The following MCU variants were observed in gnomAD, a reference collection of about 807,000 sequenced individuals.
MCU encodes the protein calcium uniporter protein, mitochondrial.
A neutral mutation model predicts 45.2 loss-of-function variants in MCU; 12 were observed. The ratio of observed to expected loss-of-function variants is 0.27; its 90% CI spans 0.17 to 0.43. The LOEUF (loss-of-function observed/expected upper bound fraction) is 0.43. MCU is among the 20% of genes least tolerant of loss of function. MCU has a pLI of 1.00. For synonymous variants in MCU, 160 were observed against 165.1 expected, an observed-to-expected ratio of 0.97 and a Z score of 0.24; for missense variants, 324 against 436.7, an observed-to-expected ratio of 0.74 and a Z score of 2.30.
chr10:72,800,600 C>T (rs531955423), intron 1 of MCU, among the ~76,000 whole-genome samples: 10 of 152,298 alleles, frequency 6.6e-5, no homozygotes, highest in African/African-American at 2.4e-4. Flanking sequence ...CTGTAGATTA[C>T]AGCCTCTGAA....
intron 1 of MCU, among the ~76,000 whole-genome samples, chr10:72,723,943 A>G (rs1843062264): frequency 6.6e-6 from 1 of 152,212 alleles, no homozygotes; most frequent in African/African-American, 2.4e-5. Flanking sequence ...TCTGTTTCAG[A>G]TGGTATCTTC....
At chr10:72,778,403 G>T (rs1453315900) in intron 1 of MCU, among the ~76,000 whole-genome samples, 1 of 152,150 alleles carries the variant, frequency 6.6e-6, no homozygotes, top group Non-Finnish European at 1.5e-5. Flanking sequence ...AGCCCATAAT[G>T]TTAAGTGAAA....
chr10:72,833,437 TCATA>T lies in MCU; in HGVS notation c.151-919_151-916del, dbSNP rs374957884. Among the ~76,000 whole-genome samples the T allele has an allele frequency of 6.4e-3, 974 of 152,332 alleles. 5 individuals carry two copies. The highest frequency in any genetic ancestry group is 0.01 in the Non-Finnish European group (703 of 68,026). On this transcript the variant is annotated intron_variant, in intron 1 of 7. Transcript: ENST00000373053. ...GAAACGAGATGGAAATTAATGATAG[TCATA>T]CAAAGTCCATCAGCACAAAGAAAAA...
chr10:72,828,542 G>A (rs12783338), intron 1 of MCU, among the ~76,000 whole-genome samples: 69,131 of 151,594 alleles, frequency 0.46, 19,938 homozygotes, highest in Non-Finnish European at 0.67. Flanking sequence ...AACTGGCTGT[G>A]AATATTTGGG....
intron 2 of MCU, among the ~76,000 whole-genome samples, chr10:72,850,250 C>G (rs1446094426): frequency 6.6e-6 from 1 of 152,148 alleles, no homozygotes; most frequent in African/African-American, 2.4e-5. Context: ...ATCTGTCTGG[C>G]CTTCCAACAC....
At chr10:72,827,879 C>T (rs1195902908) in intron 1 of MCU, among the ~76,000 whole-genome samples, 2 of 152,074 alleles carry the variant, frequency 1.3e-5, no homozygotes, top group Non-Finnish European at 2.9e-5. Context: ...CAGTGTTTTC[C>T]CCCACTATCC....
intron 1 of MCU, among the ~76,000 whole-genome samples, chr10:72,819,725 G>GTTT (rs1366248597): frequency 1.1e-5 from 1 of 89,678 alleles, no homozygotes; most frequent in African/African-American, 4.0e-5. Flanking sequence ...CATTTTTCCA[G>GTTT]TCTTTTTTTT....
intron 1 of MCU, among the ~76,000 whole-genome samples, chr10:72,717,967 A>T (rs1005482640): frequency 6.6e-6 from 1 of 152,214 alleles, no homozygotes; most frequent in Non-Finnish European, 1.5e-5. Flanking sequence ...TTCTTCTATT[A>T]TTAACATTTT....
At chr10:72,826,174 T>C (rs1844795810) in intron 1 of MCU, among the ~76,000 whole-genome samples, 1 of 152,192 alleles carries the variant, frequency 6.6e-6, no homozygotes, top group Non-Finnish European at 1.5e-5. Context: ...GAGGTGGGGT[T>C]AGAGGTTAGA....
intron 1 of MCU, among the ~76,000 whole-genome samples, chr10:72,752,952 A>G (rs973877783): frequency 6.6e-6 from 1 of 152,224 alleles, no homozygotes; most frequent in African/African-American, 2.4e-5. Flanking sequence ...CAGTTATGCC[A>G]TCATAACATC....
At chr10:72,710,207 A>C (rs1842873864) in intron 1 of MCU, among the ~76,000 whole-genome samples, 1 of 152,074 alleles carries the variant, frequency 6.6e-6, no homozygotes, top group South Asian at 2.1e-4. Context: ...TGATCTCCTG[A>C]CCTCGTGATC....
chr10:72,883,792 A>G (rs560433497), intron 6 of MCU, among the ~76,000 whole-genome samples: 2 of 152,352 alleles, frequency 1.3e-5, no homozygotes, highest in East Asian at 3.9e-4. Flanking sequence ...CAAACCTAAT[A>G]CTGAGTGAAG....
At chr10:72,791,853 AC>A (rs1173157915) in intron 1 of MCU, among the ~76,000 whole-genome samples, 3 of 149,162 alleles carry the variant, frequency 2.0e-5, no homozygotes, top group East Asian at 1.9e-4. Context: ...AAAAAAAAAA[AC>A]TAAAAAGATT....
chr10:72,739,960 G>A (rs1341117371), intron 1 of MCU, among the ~76,000 whole-genome samples: 1 of 151,944 alleles, frequency 6.6e-6, no homozygotes, highest in East Asian at 1.9e-4. Flanking sequence ...ACAGGTGTGA[G>A]CCACCGTGCC....
chr10:72,745,387 C>T (rs1843400172), intron 1 of MCU, among the ~76,000 whole-genome samples: 1 of 152,122 alleles, frequency 6.6e-6, no homozygotes, highest in Admixed American at 6.5e-5. Context: ...CACTACCACA[C>T]CGGCTGGTTT....
intron 1 of MCU, among the ~76,000 whole-genome samples, chr10:72,801,071 C>CGATA (rs997968963): frequency 6.6e-6 from 1 of 152,052 alleles, no homozygotes; most frequent in African/African-American, 2.4e-5. Flanking sequence ...CCAGCCTGAA[C>CGATA]GATAGAGTGA....
At chr10:72,831,855 A>G (rs1844883774) in intron 1 of MCU, among the ~76,000 whole-genome samples, 1 of 152,166 alleles carries the variant, frequency 6.6e-6, no homozygotes, top group Admixed American at 6.5e-5. Flanking sequence ...AACAGGGAAG[A>G]GTCTAAAGGG....
chr10:72,804,808 T>G (rs1844405546), intron 1 of MCU, among the ~76,000 whole-genome samples: 1 of 152,272 alleles, frequency 6.6e-6, no homozygotes, highest in Non-Finnish European at 1.5e-5. Context: ...ATTGGTTGAT[T>G]GATTGATTGG....
chr10:72,699,356 A>C (rs1418510462), intron 1 of MCU, among the ~76,000 whole-genome samples: 1 of 151,834 alleles, frequency 6.6e-6, no homozygotes, highest in African/African-American at 2.4e-5. Flanking sequence ...AATACAAAAA[A>C]ATTAGCTGGG....
Sources: allele counts gnomAD v4.1 joint callset (sites outside exome capture counted in the v4.1 genomes callset), GRCh38; gene constraint gnomAD v4.1.1; transcripts MANE v1.5; gene names NCBI Gene and HGNC (gene_info 2026-07-23, HGNC 2026-07-21).